RPGRIP1L: variants seen among roughly 807,000 people sequenced by gnomAD.
The protein encoded by RPGRIP1L is protein fantom.
A neutral mutation model predicts 160.4 loss-of-function variants in RPGRIP1L; 131 were observed. That is an observed-to-expected ratio of 0.82 (90% confidence interval 0.71 to 0.94). The LOEUF is 0.94. Among genes scored for constraint, RPGRIP1L ranks in the 40% least tolerant of loss-of-function variants. RPGRIP1L has a pLI of 0.00. For synonymous variants in RPGRIP1L, 510 were observed against 515.8 expected (o/e 0.99, Z 0.15); for missense variants, 1,522 against 1,535.8 (o/e 0.99, Z 0.15).
intron 4 of RPGRIP1L, among the ~76,000 whole-genome samples, chr16:53,690,389 G>C (rs1261004296): frequency 1.3e-5 from 2 of 152,026 alleles, no homozygotes; most frequent in Non-Finnish European, 2.9e-5. Flanking sequence ...GTAGAGATGG[G>C]GTTTCACCGT....
chr16:53,686,806 T>C (rs1157817928), intron 5 of RPGRIP1L, among the ~76,000 whole-genome samples: 3 of 152,124 alleles, frequency 2.0e-5, no homozygotes, highest in African/African-American at 4.8e-5. Context: ...AGGCAATGGA[T>C]TGGACTTTGG....
chr16:53,670,308 A>G (rs2151228090), intron 9 of RPGRIP1L, among the ~76,000 whole-genome samples: 1 of 152,338 alleles, frequency 6.6e-6, no homozygotes, highest in Non-Finnish European at 1.5e-5. Flanking sequence ...AAAGTTAAAG[A>G]TGCACTTGTA....
In RPGRIP1L at chr16:53,599,390, C is replaced by T. The variant is rs1963287202; in HGVS notation, c.*2686G>A. 1 of 152,140 alleles carries T rather than the reference C, an allele frequency of 6.6e-6. No individual in the cohort carries two copies. Among genetic ancestry groups the T allele is most frequent in the Non-Finnish European group, 1.5e-5 (1 of 68,016 alleles). 9.4% of individuals were successfully genotyped at this position (152,140 alleles called of 1,614,324 possible). On this transcript the variant is annotated 3_prime_UTR_variant, in exon 27 of 27. Coordinates refer to ENST00000647211, the MANE Select transcript of RPGRIP1L (RefSeq NM_015272.5). The stretch of plus-strand genomic sequence containing the variant: ...TTCTTTACGTAAACCACACTGTAAA[C>T]CATAAAACTTATTTTTGTCAACTGC...
intron 22 of RPGRIP1L, among the ~76,000 whole-genome samples, chr16:53,625,493 G>A (rs1459089346): frequency 7.1e-6 from 1 of 140,732 alleles, no homozygotes; most frequent in Non-Finnish European, 1.5e-5. Context: ...GCGCGCCTCC[G>A]CCCAGCGGCC....
At chr16:53,637,616 T>C (rs532392817) in intron 21 of RPGRIP1L, 79 bp downstream of exon 21, 7 of 1,235,064 alleles carry the variant, frequency 5.7e-6, no homozygotes, top group Middle Eastern at 1.9e-4. Context: ...TAAATGAAGA[T>C]GTTCTATGAT....
At chr16:53,679,255 C>G (rs1011755743) in intron 6 of RPGRIP1L, among the ~76,000 whole-genome samples, 1 of 152,140 alleles carries the variant, frequency 6.6e-6, no homozygotes, top group African/African-American at 2.4e-5. Flanking sequence ...TGCATAAAAT[C>G]ACACTCAGTG....
chr16:53,703,550 C>G (rs1239643731), intron 1 of RPGRIP1L: 1 of 167,062 alleles, frequency 6.0e-6, no homozygotes, highest in Non-Finnish European at 1.3e-5. Context: ...AGCATCAACT[C>G]TCACCTTCAT....
At chr16:53,633,350 T>A (rs533268989) in intron 22 of RPGRIP1L, among the ~76,000 whole-genome samples, 22 of 152,300 alleles carry the variant, frequency 1.4e-4, no homozygotes, top group African/African-American at 4.8e-4. Flanking sequence ...CCAAAATGCA[T>A]AACTGGAATC....
Position 53,658,842 on chromosome 16 carries a change from A to T in RPGRIP1L, c.1280T>A (p.Leu427Gln), listed in dbSNP as rs150099624. 1 of 1,607,722 alleles carries T rather than the reference A, an allele frequency of 6.2e-7. No individual in the cohort carries two copies. The highest frequency in any genetic ancestry group is 1.1e-5 in the South Asian group (1 of 90,336). Residue 427 changes from leucine to glutamine, a missense_variant, in exon 11 of 27, where the codon CTA becomes CAA. Coordinates refer to ENST00000647211, the MANE Select transcript of RPGRIP1L (RefSeq NM_015272.5). ...CTTTTGTTCCAGATACTGTAACTGT[A>T]GTTCTCTATTCTCTTGAACGAGTTT... ...NEKLVQENRE[L>Q]QLQYLEQKQQ...
intron 22 of RPGRIP1L, among the ~76,000 whole-genome samples, chr16:53,632,612 G>C (rs888492327): frequency 1.3e-5 from 2 of 152,054 alleles, no homozygotes; most frequent in African/African-American, 2.4e-5. Flanking sequence ...AAATCTCAGA[G>C]GCCTCAACGC....
In RPGRIP1L at chr16:53,692,296, T is replaced by C. The variant is rs746896160; in HGVS notation, c.299A>G (p.Lys100Arg). Reference protein sequence around the residue: ...KRYERVGGGPKRLGRDVEMEE... With the variant: ...KRYERVGGGPRRLGRDVEMEE... ...CATTTCCACATCTCGTCCCAGCCGCTTGGGGCCGCCACCAACCCGCTCATA... is the reference window on the plus strand; with the variant it reads ...CATTTCCACATCTCGTCCCAGCCGCCTGGGGCCGCCACCAACCCGCTCATA... The change falls in exon 4 of 27, where the codon AAG becomes AGG. Residue 100 changes from lysine to arginine, a missense_variant. Physicochemically the swap from Lys to Arg is conservative, Grantham distance 26 (BLOSUM62 2). Transcript: ENST00000647211. 2 of 1,614,158 alleles carry C rather than the reference T, an allele frequency of 1.2e-6. No individual in the cohort carries two copies. The highest frequency in any genetic ancestry group is 1.1e-5 in the South Asian group (1 of 91,076).
chr16:53,647,683 G>A (rs1483941623), intron 16 of RPGRIP1L, among the ~76,000 whole-genome samples: 5 of 152,218 alleles, frequency 3.3e-5, no homozygotes, highest in African/African-American at 1.2e-4. Flanking sequence ...ATGGATTGGA[G>A]GTGAAGGAGT....
intron 10 of RPGRIP1L, among the ~76,000 whole-genome samples, chr16:53,662,650 T>C (rs1275965861): frequency 1.3e-5 from 2 of 152,090 alleles, no homozygotes; most frequent in Non-Finnish European, 2.9e-5. Context: ...GTGTATTATT[T>C]CCTTGGAAGA....
intron 24 of RPGRIP1L, 133 bp downstream of exon 24, chr16:53,618,892 A>C: frequency 1.2e-6 from 1 of 817,284 alleles, no homozygotes; most frequent in Non-Finnish European, 1.9e-6. Context: ...GACTTTTATT[A>C]ATCAATTCTG....
chr16:53,645,880 G>A lies in RPGRIP1L; in HGVS notation c.2428C>T (p.Gln810Ter). The A allele has an allele frequency of 6.2e-7, 1 of 1,614,150 alleles. No homozygotes were observed. Among genetic ancestry groups the A allele is most frequent in the Non-Finnish European group, 8.5e-7 (1 of 1,180,028 alleles). ...TTGTACACAACATATGGGTGTGGCTGCAGGTGGCTTGCTCGGGACTGCAGG... is the reference window on the plus strand; with the variant it reads ...TTGTACACAACATATGGGTGTGGCTACAGGTGGCTTGCTCGGGACTGCAGG... Reference protein sequence around the residue: ...NHLQSRASHLQPHPYVVYKFF... With the variant: ...NHLQSRASHL The change falls in exon 17 of 27, where the codon CAG (glutamine) becomes TAG (stop). Residue 810 changes from glutamine to a stop codon, truncating the protein, a stop_gained. Transcript: ENST00000647211. LOFTEE classifies it high-confidence loss of function.
Position 53,658,431 on chromosome 16 carries a change from C to T in RPGRIP1L, c.1384G>A (p.Ala462Thr). ...AACCTTACCTTTATAAGTAGGAGAGCTTCACTCAATTCATCAGCATTAATA... is the reference window on the plus strand; with the variant it reads ...AACCTTACCTTTATAAGTAGGAGAGTTTCACTCAATTCATCAGCATTAATA... ...NDINADELSE[A>T]LLLIKAQKEQ... Residue 462 changes from alanine (A) to threonine (T), a missense_variant, in exon 12 of 27, where the codon GCT (alanine) becomes ACT (threonine). Ala to Thr is a moderately conservative substitution (Grantham distance 58). Coordinates refer to ENST00000647211, the MANE Select transcript of RPGRIP1L (RefSeq NM_015272.5). The T allele has an allele frequency of 6.2e-7, 1 of 1,611,554 alleles. No homozygotes were observed. Among genetic ancestry groups the T allele is most frequent in the Non-Finnish European group, 8.5e-7 (1 of 1,177,866 alleles).
chr16:53,632,064 A>G (rs1264158471), intron 22 of RPGRIP1L, among the ~76,000 whole-genome samples: 1 of 152,248 alleles, frequency 6.6e-6, no homozygotes, highest in African/African-American at 2.4e-5. Flanking sequence ...GAAGTAATCT[A>G]TGATTAATTA....
intron 22 of RPGRIP1L, among the ~76,000 whole-genome samples, chr16:53,626,719 C>G (rs190834152): frequency 6.6e-6 from 1 of 150,570 alleles, no homozygotes; most frequent in African/African-American, 2.5e-5. Context: ...GCAGGAGAAT[C>G]GCTTGAACAT....
chr16:53,653,245 T>A (rs1966944261), intron 14 of RPGRIP1L: 1 of 886,284 alleles, frequency 1.1e-6, no homozygotes, highest in African/African-American at 1.8e-5. Context: ...GAGAAAAATA[T>A]CAAAAGAAGA....
Sources: gnomAD v4.1 joint callset for allele counts (sites outside exome capture counted in the v4.1 genomes callset) on GRCh38, gnomAD v4.1.1 for gene constraint, MANE v1.5 for transcripts, NCBI Gene and HGNC (gene_info 2026-07-23, HGNC 2026-07-21) for gene names.